The following OR10D3 variants were observed in gnomAD, a reference collection of about 807,000 sequenced individuals.
The protein encoded by OR10D3 is olfactory receptor family 10 subfamily D member 3.
For missense variants in OR10D3, 286 were observed against 153.7 expected (o/e 1.86, Z -4.55); for synonymous variants, 100 against 57.6 (o/e 1.74, Z -3.33).
At chr11:124,185,066 A>C (rs1861203826) in intron 1 of OR10D3, 193 bp from the exon 2 acceptor site, 1 of 554,844 alleles carries the variant, frequency 1.8e-6, no homozygotes. Context: ...TATTTGCTAC[A>C]GAAATGTAGT....
At position 124,185,484 on chromosome 11, in the gene OR10D3, G is replaced by A. The variant is rs1403172122; in HGVS notation, c.215G>A (p.Gly72Asp). The change falls in exon 2 of 2, where the codon GGT becomes GAT. Residue 72 changes from glycine to aspartate, a missense_variant. Transcript: ENST00000641351. Reference sequence around the variant, plus strand: ...GGAAACTTGTCTGTGTTTGACATGGGTTTCTCCTCAGTGACTTGTCCCAAA... The same window carrying A: ...GGAAACTTGTCTGTGTTTGACATGGATTTCTCCTCAGTGACTTGTCCCAAA... 8.5e-6 allele frequency: 6 copies of A among 703,128 alleles called. No individual in the cohort carries two copies. The South Asian group carries it at 8.9e-5, about 10-fold the overall frequency. The allele number at this position is 703,128 out of a possible 1,614,324, so 43.6% of individuals were successfully genotyped here. A position where few individuals can be genotyped will look rare whatever the true frequency, so the allele number is the denominator to read the frequency against.
exon 2 of OR10D3, chr11:124,186,540 C>G (rs1470459357): frequency 1.2e-5 from 2 of 172,234 alleles, no homozygotes; most frequent in Admixed American, 1.2e-4. Flanking sequence ...AATTTACTCC[C>G]CTCATACTAT....
At chr11:124,187,515 C>T (rs901521261) in exon 2 of OR10D3, 2 of 152,190 alleles carry the variant, frequency 1.3e-5, no homozygotes, top group Admixed American at 6.5e-5. Flanking sequence ...CATAATTTTA[C>T]CTCTTTACAC....
exon 2 of OR10D3, chr11:124,186,171 C>T: frequency 1.4e-6 from 1 of 702,754 alleles, no homozygotes; most frequent in African/African-American, 1.7e-5. Flanking sequence ...GCCCTGAAAA[C>T]AATATTGCAC....
exon 2 of OR10D3, chr11:124,188,116 G>T (rs142411030): frequency 6.6e-6 from 1 of 152,190 alleles, no homozygotes; most frequent in Non-Finnish European, 1.5e-5. Context: ...GGAGTCAATG[G>T]TGGGCTTAAC....
chr11:124,186,968 GC>G (rs1477303321), exon 2 of OR10D3: 3 of 152,162 alleles, frequency 2.0e-5, no homozygotes, highest in African/African-American at 7.2e-5. Context: ...GATTCAAGGA[GC>G]CCCGAGACTC....
At chr11:124,186,075 G>A in exon 2 of OR10D3, 1 of 703,308 alleles carries the variant, frequency 1.4e-6, no homozygotes, top group Non-Finnish European at 2.6e-6. Flanking sequence ...CCCATGCTGG[G>A]AACCGTGGTA....
exon 2 of OR10D3, chr11:124,186,977 C>G (rs1281060155): frequency 6.6e-6 from 1 of 152,170 alleles, no homozygotes; most frequent in African/African-American, 2.4e-5. Context: ...AGCCCCGAGA[C>G]TCCAGTGAAT....
exon 2 of OR10D3, chr11:124,188,654 T>C (rs1414788050): frequency 2.0e-5 from 3 of 152,234 alleles, no homozygotes; most frequent in Non-Finnish European, 2.9e-5. Context: ...GGCTCTGTTA[T>C]TGGCCAAGGG....
At chr11:124,186,837 A>G (rs1861232302) in exon 2 of OR10D3, 1 of 152,226 alleles carries the variant, frequency 6.6e-6, no homozygotes, top group African/African-American at 2.4e-5. Flanking sequence ...TGTGTCTAGT[A>G]TATTAGATTT....
At chr11:124,183,467 T>G (rs1197208181) in intron 1 of OR10D3, 84 bp downstream of exon 1, 1 of 151,988 alleles carries the variant, frequency 6.6e-6, no homozygotes, top group Non-Finnish European at 1.5e-5. Flanking sequence ...TCTCTTTCTC[T>G]TTCTTTCTCT....
chr11:124,186,005 A>T, exon 2 of OR10D3: 1 of 703,360 alleles, frequency 1.4e-6, no homozygotes, highest in Non-Finnish European at 2.6e-6. Context: ...TGCTCACCTC[A>T]TTGCCATCCT....
chr11:124,186,140 A>G (rs754118498), exon 2 of OR10D3: 1 of 702,972 alleles, frequency 1.4e-6, no homozygotes, highest in Non-Finnish European at 2.6e-6. Context: ...CTATACCTTG[A>G]GGAATAAGGA....
exon 2 of OR10D3, chr11:124,187,917 A>G (rs1400359758): frequency 6.6e-6 from 1 of 152,232 alleles, no homozygotes; most frequent in East Asian, 1.9e-4. Context: ...GAGGCCCAGG[A>G]TATGAATGCA....
At chr11:124,183,762 T>A (rs996613850) in intron 1 of OR10D3, among the ~76,000 whole-genome samples, 1 of 152,082 alleles carries the variant, frequency 6.6e-6, no homozygotes, top group Non-Finnish European at 1.5e-5. Context: ...AGAGGAAAAT[T>A]TGGAGTCCTC....
At chr11:124,188,125 A>G in exon 2 of OR10D3, 1 of 152,164 alleles carries the variant, frequency 6.6e-6, no homozygotes, top group South Asian at 2.1e-4. Flanking sequence ...GGTGGGCTTA[A>G]CTCCAGAACG....
At chr11:124,187,828 T>C (rs893359037) in exon 2 of OR10D3, 1 of 152,244 alleles carries the variant, frequency 6.6e-6, no homozygotes, top group Non-Finnish European at 1.5e-5. Flanking sequence ...GATATTATCA[T>C]AAATGCTGTG....
chr11:124,186,136 C>T (rs977485292), exon 2 of OR10D3: 4 of 702,834 alleles, frequency 5.7e-6, no homozygotes, highest in Non-Finnish European at 7.8e-6. Flanking sequence ...TGATCTATAC[C>T]TTGAGGAATA....
exon 2 of OR10D3, chr11:124,186,055 C>G: frequency 1.4e-6 from 1 of 703,438 alleles, no homozygotes. Context: ...ACCTGCAGCC[C>G]ACACCCAACC....
Sources: gnomAD v4.1 joint callset for allele counts (sites outside exome capture counted in the v4.1 genomes callset) on GRCh38, gnomAD v4.1.1 for gene constraint, MANE v1.5 for transcripts, NCBI Gene and HGNC (gene_info 2026-07-23, HGNC 2026-07-21) for gene names.